POU6F2: variants seen among roughly 807,000 people sequenced by gnomAD.
POU6F2 encodes POU domain, class 6, transcription factor 2.
Under a neutral mutation model 71.3 loss-of-function variants are expected in POU6F2, and 31 were observed. The ratio of observed to expected loss-of-function variants is 0.43; its 90% confidence interval spans 0.33 to 0.59. The LOEUF is 0.59. Among genes scored for constraint, POU6F2 ranks in the 20% least tolerant of loss-of-function variants. POU6F2 has a pLI of 0.04. For missense variants in POU6F2, 783 were observed against 856.8 expected (o/e 0.91, Z 1.07); for synonymous variants, 347 against 355.7 (o/e 0.98, Z 0.27).
chr7:39,037,394 G>A (rs981513737), intron 1 of POU6F2, among the ~76,000 whole-genome samples: 1 of 151,848 alleles, frequency 6.6e-6, no homozygotes. Context: ...GGAGACCTTG[G>A]TAACATCACT....
At chr7:39,091,288 C>T (rs1272656145) in intron 2 of POU6F2, among the ~76,000 whole-genome samples, 1 of 152,142 alleles carries the variant, frequency 6.6e-6, no homozygotes, top group African/African-American at 2.4e-5. Flanking sequence ...CAGTGGGGAC[C>T]TTCCCTTGTG....
Position 39,152,065 on chromosome 7 carries a change from T to G in POU6F2, c.278-52170T>G, listed in dbSNP as rs116752678. 6.4e-3 allele frequency among the ~76,000 whole-genome samples: 969 copies of G among 152,290 alleles called. 10 individuals are homozygous for G. The highest frequency in any genetic ancestry group is 0.022 in the African/African-American group (932 of 41,554). ...ATTGTCCACACTGCCTATTTATGCT[T>G]GTATACTCATGCAGTGTTGGAAAAT... On this transcript the variant is annotated intron_variant, in intron 2 of 9. Coordinates refer to ENST00000518318, the MANE Select transcript of POU6F2 (RefSeq NM_001370959.1).
intron 2 of POU6F2, among the ~76,000 whole-genome samples, chr7:39,132,818 A>AT (rs989903120): frequency 4.2e-4 from 63 of 151,508 alleles, no homozygotes; most frequent in African/African-American, 4.1e-4. Flanking sequence ...CTTAAGATGG[A>AT]TTTTTTTTTC....
At chr7:39,394,027 G>T (rs561186305) in intron 5 of POU6F2, among the ~76,000 whole-genome samples, 1 of 152,344 alleles carries the variant, frequency 6.6e-6, no homozygotes, top group South Asian at 2.1e-4. Context: ...AAATACATCA[G>T]AATGCTCCAG....
At chr7:39,372,241 T>A (rs780951204) in intron 5 of POU6F2, among the ~76,000 whole-genome samples, 24 of 152,128 alleles carry the variant, frequency 1.6e-4, no homozygotes, top group Non-Finnish European at 2.4e-4. Flanking sequence ...TTTATGTACT[T>A]ATATAAAGAG....
At chr7:39,277,668 G>A (rs914340815) in intron 4 of POU6F2, among the ~76,000 whole-genome samples, 1 of 62,400 alleles carries the variant, frequency 1.6e-5, no homozygotes, top group Non-Finnish European at 3.8e-5. Context: ...TGGTGCTTTG[G>A]TTAACTTTCC....
chr7:39,009,053 A>T (rs1000762140), intron 1 of POU6F2, among the ~76,000 whole-genome samples: 29 of 152,122 alleles, frequency 1.9e-4, no homozygotes, highest in Non-Finnish European at 3.5e-4. Flanking sequence ...TTTCCAATTC[A>T]GTGAAGAAAG....
intron 4 of POU6F2, among the ~76,000 whole-genome samples, chr7:39,319,910 G>A (rs1785349625): frequency 6.6e-6 from 1 of 152,220 alleles, no homozygotes. Context: ...AACAAAGCAT[G>A]AAGAGATGTC....
chr7:39,040,467 G>A (rs545912730), intron 1 of POU6F2, among the ~76,000 whole-genome samples: 207 of 151,260 alleles, frequency 1.4e-3, no homozygotes, highest in Middle Eastern at 3.4e-3. Flanking sequence ...TATTTCCTAA[G>A]GAAATAGTCA....
intron 2 of POU6F2, among the ~76,000 whole-genome samples, chr7:39,092,689 A>G (rs1461037426): frequency 6.6e-6 from 1 of 152,166 alleles, no homozygotes; most frequent in African/African-American, 2.4e-5. Context: ...TTTTCAATGT[A>G]AACTTTCACC....
intron 1 of POU6F2, among the ~76,000 whole-genome samples, chr7:39,013,883 TTAAA>T (rs1351161030): frequency 1.3e-5 from 2 of 152,170 alleles, no homozygotes; most frequent in African/African-American, 4.8e-5. Context: ...CTATTTTACT[TTAAA>T]TATACTAGCA....
chr7:39,027,365 A>G (rs1789833966), intron 1 of POU6F2, among the ~76,000 whole-genome samples: 1 of 152,144 alleles, frequency 6.6e-6, no homozygotes, highest in Admixed American at 6.6e-5. Context: ...CACTGATGTT[A>G]TGCGGTGCTT....
chr7:39,070,026 T>TA (rs1412630407), intron 1 of POU6F2, among the ~76,000 whole-genome samples: 2 of 152,104 alleles, frequency 1.3e-5, no homozygotes, highest in African/African-American at 4.8e-5. Context: ...TCAGTGATGT[T>TA]AGGGACTCAC....
At chr7:39,056,262 T>C (rs866645425) in intron 1 of POU6F2, among the ~76,000 whole-genome samples, 14 of 152,090 alleles carry the variant, frequency 9.2e-5, no homozygotes, top group Non-Finnish European at 1.3e-4. Context: ...AATTTTGTTT[T>C]TATTTTTGTG....
At chr7:38,994,049 G>A (rs936988360) in intron 1 of POU6F2, among the ~76,000 whole-genome samples, 2 of 152,106 alleles carry the variant, frequency 1.3e-5, no homozygotes, top group African/African-American at 4.8e-5. Flanking sequence ...AATTTTGTTA[G>A]TGCCAACTCT....
chr7:39,129,290 A>G (rs1453773919), intron 2 of POU6F2, among the ~76,000 whole-genome samples: 1 of 152,208 alleles, frequency 6.6e-6, no homozygotes, highest in African/African-American at 2.4e-5. Context: ...AATTCTGCCT[A>G]TCTTGTTCAC....
At chr7:39,097,865 T>G (rs951387638) in intron 2 of POU6F2, among the ~76,000 whole-genome samples, 8 of 152,254 alleles carry the variant, frequency 5.3e-5, no homozygotes, top group African/African-American at 1.9e-4. Flanking sequence ...CTTGATCATT[T>G]CTGGTAGCTT....
chr7:39,032,870 T>C (rs796636898), intron 1 of POU6F2, among the ~76,000 whole-genome samples: 40 of 152,312 alleles, frequency 2.6e-4, no homozygotes, highest in African/African-American at 9.1e-4. Context: ...AGGCTTGTTT[T>C]CTCGTGACAC....
At chr7:39,372,319 A>G (rs1419691718) in intron 5 of POU6F2, among the ~76,000 whole-genome samples, 1 of 152,252 alleles carries the variant, frequency 6.6e-6, no homozygotes, top group African/African-American at 2.4e-5. Context: ...TAGAATTTTT[A>G]TAATACAGAT....
Sources: gnomAD v4.1 joint callset for allele counts (sites outside exome capture counted in the v4.1 genomes callset) on GRCh38, gnomAD v4.1.1 for gene constraint, MANE v1.5 for transcripts, NCBI Gene and HGNC (gene_info 2026-07-23, HGNC 2026-07-21) for gene names.